The following WDFY3 variants were observed in gnomAD, a reference collection of about 807,000 sequenced individuals.
WDFY3 encodes WD repeat and FYVE domain-containing protein 3.
Under a neutral mutation model 409.6 loss-of-function variants are expected in WDFY3, and 66 were observed. The ratio of observed to expected loss-of-function variants is 0.16; its 90% CI spans 0.13 to 0.20. The LOEUF is 0.20. Among genes scored for constraint, WDFY3 ranks in the 10% least tolerant of loss-of-function variants. The probability of loss-of-function intolerance (pLI) is 1.00; values close to 1 mark genes in which losing one functional copy is unlikely to be tolerated. For synonymous variants in WDFY3, 1,521 were observed against 1,537.1 expected, an observed-to-expected ratio of 0.99 and a Z score of 0.25; for missense variants, 3,031 against 4,298.1, an observed-to-expected ratio of 0.71 and a Z score of 8.24.
At chr4:84,926,082 C>T (rs1426941598) in intron 2 of WDFY3, among the ~76,000 whole-genome samples, 1 of 146,964 alleles carries the variant, frequency 6.8e-6, no homozygotes, top group East Asian at 2.1e-4. Flanking sequence ...AGCGTGATGT[C>T]GGCTCACTAC....
chr4:84,930,868 T>A (rs1046956729), intron 2 of WDFY3, among the ~76,000 whole-genome samples: 1 of 152,208 alleles, frequency 6.6e-6, no homozygotes, highest in Admixed American at 6.5e-5. Context: ...TATTACAATA[T>A]TCCCCCTTTA....
intron 44 of WDFY3, among the ~76,000 whole-genome samples, chr4:84,733,058 C>A (rs1736866692): frequency 6.6e-6 from 1 of 152,144 alleles, no homozygotes; most frequent in South Asian, 2.1e-4. Flanking sequence ...ATTATTTGCT[C>A]CAATTCAGGC....
intron 61 of WDFY3, 35 bp from the exon 62 acceptor site, chr4:84,688,300 A>AT: frequency 6.3e-7 from 1 of 1,597,200 alleles, no homozygotes; most frequent in African/African-American, 1.3e-5. Flanking sequence ...AATCAGGTTG[A>AT]TCTCAGTGAC....
chr4:84,910,687 T>G (rs1767641414), intron 2 of WDFY3, among the ~76,000 whole-genome samples: 1 of 152,014 alleles, frequency 6.6e-6, no homozygotes, highest in Non-Finnish European at 1.5e-5. Context: ...CCAAAAAAAA[T>G]GGGCAACTCC....
In WDFY3 at chr4:84,672,454, A is replaced by G. The variant is rs188389831; in HGVS notation, c.*414T>C. 345 of 156,020 alleles carry G rather than the reference A, an allele frequency of 2.2e-3. 2 individuals are homozygous for G. The highest frequency in any genetic ancestry group is 4.1e-3 in the Non-Finnish European group (290 of 70,500). 9.7% of individuals were successfully genotyped at this position (156,020 alleles called of 1,614,324 possible). ...CCTTTTATATCTATTTACAATATAC[A>G]TAGTTACTTGCAAAGAAGTCAGATT... On this transcript the variant is annotated 3_prime_UTR_variant, in exon 68 of 68. Transcript: ENST00000295888.
chr4:84,709,194 T>C, intron 52 of WDFY3, 99 bp downstream of exon 52: 2 of 1,402,868 alleles, frequency 1.4e-6, no homozygotes, highest in African/African-American at 1.5e-5. Context: ...ACATTTTCTC[T>C]ATGGTATATA....
At chr4:84,797,970 T>C (rs770965813) in intron 18 of WDFY3, 26 bp downstream of exon 18, 1 of 1,551,386 alleles carries the variant, frequency 6.4e-7, no homozygotes, top group Admixed American at 1.9e-5. Flanking sequence ...ATAAAATAAA[T>C]CAAAAAAGGG....
Position 84,809,949 on chromosome 4 carries a change from C to A in WDFY3, c.2283G>T (p.Thr761=). 6.2e-7 allele frequency: 1 copy of A among 1,614,066 alleles called. No homozygotes were observed. The highest frequency in any genetic ancestry group is 8.5e-7 in the Non-Finnish European group (1 of 1,179,992). The change falls in exon 14 of 68, where the codon ACG becomes ACT. Residue 761 remains threonine (T), a synonymous_variant. Coordinates refer to ENST00000295888, the MANE Select transcript of WDFY3 (RefSeq NM_014991.6). The part of the protein sequence containing the change: ...DVISIESVSP[T]LRHCSKLFIY... ...TAAAAAGTTTACTGCAGTGCCGTAA[C>A]GTGGGTGACACTGATTCTATTGAGA... is the stretch of plus-strand genomic sequence containing the variant.
chr4:84,720,150 G>C (rs1734605009), intron 47 of WDFY3, among the ~76,000 whole-genome samples: 1 of 152,126 alleles, frequency 6.6e-6, no homozygotes, highest in Non-Finnish European at 1.5e-5. Flanking sequence ...ATAGAGATAA[G>C]ACACAGTTTG....
intron 32 of WDFY3, among the ~76,000 whole-genome samples, chr4:84,763,533 A>G (rs898409662): frequency 6.6e-6 from 1 of 152,180 alleles, no homozygotes; most frequent in African/African-American, 2.4e-5. Flanking sequence ...TGTATCCCAG[A>G]AATTAAAGTA....
At chr4:84,816,017 ATTTG>A (rs1439159832) in intron 13 of WDFY3, among the ~76,000 whole-genome samples, 1 of 151,800 alleles carries the variant, frequency 6.6e-6, no homozygotes, top group East Asian at 1.9e-4. Flanking sequence ...CCTCTTCTCT[ATTTG>A]TTTGATTGTA....
intron 3 of WDFY3, among the ~76,000 whole-genome samples, chr4:84,863,486 C>T (rs1020137240): frequency 6.6e-6 from 1 of 152,080 alleles, no homozygotes; most frequent in Admixed American, 6.5e-5. Flanking sequence ...ATACTGAGCA[C>T]CTTTTCATAT....
intron 3 of WDFY3, among the ~76,000 whole-genome samples, chr4:84,886,983 T>C (rs1219023476): frequency 6.6e-6 from 1 of 151,268 alleles, no homozygotes; most frequent in Non-Finnish European, 1.5e-5. Context: ...TACACTATAA[T>C]ATTCTGAAAC....
chr4:84,715,931 TTTATAA>T (rs1443752737), intron 49 of WDFY3, among the ~76,000 whole-genome samples: 3 of 151,504 alleles, frequency 2.0e-5, no homozygotes, highest in East Asian at 3.9e-4. Context: ...TAATTATAAT[TTTATAA>T]TTATAATTTT....
At chr4:84,848,703 A>G (rs17009317) in intron 5 of WDFY3, among the ~76,000 whole-genome samples, 46,100 of 152,064 alleles carry the variant, frequency 0.3, 7,137 homozygotes, top group East Asian at 0.44. Flanking sequence ...TCCTTTAGGA[A>G]TGGAGAACAA....
chr4:84,735,460 G>T (rs112132845), intron 42 of WDFY3, among the ~76,000 whole-genome samples: 1 of 152,138 alleles, frequency 6.6e-6, no homozygotes, highest in Non-Finnish European at 1.5e-5. Context: ...CAGCTTAATG[G>T]AGGTCAATTA....
chr4:84,887,726 T>C (rs1764415519), intron 3 of WDFY3, among the ~76,000 whole-genome samples: 2 of 152,190 alleles, frequency 1.3e-5, no homozygotes, highest in Admixed American at 1.3e-4. Context: ...CAACTAGCAT[T>C]AGCTAAAATT....
intron 18 of WDFY3, 109 bp from the exon 19 acceptor site, chr4:84,796,861 T>G (rs1241812608): frequency 3.5e-6 from 3 of 861,116 alleles, no homozygotes; most frequent in Non-Finnish European, 5.3e-6. Flanking sequence ...ACAATAATTT[T>G]TTTTTAAGTG....
chr4:84,731,895 T>C (rs2149160961), intron 44 of WDFY3, among the ~76,000 whole-genome samples: 1 of 152,358 alleles, frequency 6.6e-6, no homozygotes, highest in South Asian at 2.1e-4. Context: ...ATTTATATTT[T>C]AGTATTCTTG....
Sources: allele counts gnomAD v4.1 joint callset (sites outside exome capture counted in the v4.1 genomes callset), GRCh38; gene constraint gnomAD v4.1.1; transcripts MANE v1.5; gene names NCBI Gene and HGNC (gene_info 2026-07-23, HGNC 2026-07-21).